FEV: variants seen among roughly 807,000 people sequenced by gnomAD.
The protein encoded by FEV is protein FEV.
A neutral mutation model predicts 20.5 loss-of-function variants in FEV; 14 were observed. The observed-to-expected ratio is 0.68, with a 90% CI of 0.45 to 1.07. The LOEUF (loss-of-function observed/expected upper bound fraction) is 1.07. FEV is among the 50% of genes least tolerant of loss of function. The pLI, the probability that FEV is intolerant of heterozygous loss-of-function variation, is 0.00. For missense variants in FEV, 301 were observed against 345.3 expected (o/e 0.87, Z 1.02); for synonymous variants, 188 against 163.7 (o/e 1.15, Z -1.13).
At position 218,982,115 on chromosome 2, in the gene FEV, C is replaced by A; in HGVS notation, c.269G>T (p.Arg90Leu). The change falls in exon 3 of 3, where the codon CGC becomes CTC. Residue 90 changes from arginine to leucine, a missense_variant. By Grantham distance (102) the Arg-to-Leu change is moderately radical. Coordinates refer to ENST00000295727, the MANE Select transcript of FEV (RefSeq NM_017521.3). ...PDEVARRWGE[R>L]KSKPNMNYDK... ...GTAGTTCATGTTGGGCTTGCTCTTG[C>A]GCTCGCCCCACCGCCGCGCCACCTC... 1.2e-6 allele frequency: 2 copies of A among 1,613,720 alleles called. No homozygotes were observed. Among genetic ancestry groups the A allele is most frequent in the South Asian group, 2.2e-5 (2 of 91,068 alleles).
Position 218,984,103 on chromosome 2 carries a change from C to A in FEV, c.127+128G>T. 3.3e-6 allele frequency: 3 copies of A among 900,744 alleles called. No individual in the cohort carries two copies. Among genetic ancestry groups the A allele is most frequent in the Non-Finnish European group, 4.9e-6 (3 of 608,144 alleles). 55.8% of individuals were successfully genotyped at this position (900,744 alleles called of 1,614,324 possible). ...CAAGTGACTGTCTTCCCAAGGCCTC[C>A]GCACAACCAGGCCAGGACTCCGGGC... On this transcript the variant is annotated intron_variant, in intron 2 of 2. Coordinates refer to ENST00000295727, the MANE Select transcript of FEV (RefSeq NM_017521.3). The surrounding 1 kb of genome is among the most constrained non-coding windows in gnomAD (Gnocchi z 5.0).
Position 218,981,444 on chromosome 2 carries a change from C to T in FEV, c.*223G>A. 2.5e-6 allele frequency: 1 copy of T among 394,934 alleles called. No individual in the cohort carries two copies. The highest frequency in any genetic ancestry group is 4.4e-6 in the Non-Finnish European group (1 of 225,882). The allele number at this position is 394,934 out of a possible 1,614,324, so 24.5% of individuals were successfully genotyped here. On this transcript the variant is annotated 3_prime_UTR_variant, in exon 3 of 3. Transcript: ENST00000295727. This position sits in a 1 kb window ranked among gnomAD's most constrained non-coding sequence, Gnocchi z 4.5. ...AAGAAAAAAAGTGAAAGAGGGCGCA[C>T]ATCGCCCTCCTCAGGGGACTGCGGG...
intron 2 of FEV, among the ~76,000 whole-genome samples, chr2:218,982,860 C>T (rs1038109022): frequency 4.6e-5 from 7 of 152,220 alleles, no homozygotes; most frequent in African/African-American, 1.7e-4. Context: ...TGGTGGCTGG[C>T]TCCCTTGGGA....
Position 218,984,947 on chromosome 2 carries a change from C to T in FEV, c.52+77G>A, listed in dbSNP as rs937236026. The T allele has an allele frequency of 6.0e-6, 8 of 1,323,454 alleles. No homozygotes were observed. In the African/African-American group the frequency reaches 1.2e-4, roughly 19 times the overall value. 82.0% of individuals were successfully genotyped at this position (1,323,454 alleles called of 1,614,324 possible). On this transcript the variant is annotated intron_variant, in intron 1 of 2. Transcript: ENST00000295727. This position sits in a 1 kb window ranked among gnomAD's most constrained non-coding sequence, Gnocchi z 5.0. ...CACTTCTCCTTCCCCTGGACCCCAG[C>T]ACTCTCTTCCCATGCCTGAGCCTAG...
rs1259637313 is a variant in FEV, at chr2:218,981,618, G to A, written c.*49C>T. The A allele has an allele frequency of 8.0e-7, 1 of 1,255,100 alleles. No individual in the cohort carries two copies. The highest frequency in any genetic ancestry group is 1.0e-6 in the Non-Finnish European group (1 of 995,232). 77.7% of individuals were successfully genotyped at this position (1,255,100 alleles called of 1,614,324 possible). A position where few individuals can be genotyped will look rare whatever the true frequency, so the allele number is the denominator to read the frequency against. ...CTCCCCGGGATGCCGATGGGATCGGGCGAGACTCTAGGCGTGCGGGCGAGG... is the reference window on the plus strand; with the variant it reads ...CTCCCCGGGATGCCGATGGGATCGGACGAGACTCTAGGCGTGCGGGCGAGG... On this transcript the variant is annotated 3_prime_UTR_variant, in exon 3 of 3. Transcript: ENST00000295727. The surrounding 1 kb of genome is among the most constrained non-coding windows in gnomAD (Gnocchi z 4.5).
At chr2:218,982,792 G>A (rs752265751) in intron 2 of FEV, among the ~76,000 whole-genome samples, 19 of 152,212 alleles carry the variant, frequency 1.2e-4, no homozygotes, top group Non-Finnish European at 2.2e-4. Flanking sequence ...GCTGGACAAG[G>A]CCCAGCTAGT....
At position 218,984,988 on chromosome 2, in the gene FEV, T is replaced by G; in HGVS notation, c.52+36A>C. The G allele has an allele frequency of 6.5e-7, 1 of 1,542,822 alleles. No individual in the cohort carries two copies. The highest frequency in any genetic ancestry group is 8.8e-7 in the Non-Finnish European group (1 of 1,139,698). On this transcript the variant is annotated intron_variant, in intron 1 of 2. Coordinates refer to ENST00000295727, the MANE Select transcript of FEV (RefSeq NM_017521.3). This position sits in a 1 kb window ranked among gnomAD's most constrained non-coding sequence, Gnocchi z 5.0. The stretch of plus-strand genomic sequence containing the variant: ...CTGAGCCTAGACTTCCCGCCCCAGG[T>G]TCCGGTGCCACCAGCCTCCGGCTGG...
In FEV at chr2:218,981,640, G is replaced by C; in HGVS notation, c.*27C>G. 7.8e-7 allele frequency: 1 copy of C among 1,280,116 alleles called. No individual in the cohort carries two copies. The highest frequency in any genetic ancestry group is 9.8e-7 in the Non-Finnish European group (1 of 1,015,396). The allele number at this position is 1,280,116 out of a possible 1,614,324, so 79.3% of individuals were successfully genotyped here. ...CGGGCGAGACTCTAGGCGTGCGGGC[G>C]AGGCCGCAGGCACCCGACCGCCCCG... On this transcript the variant is annotated 3_prime_UTR_variant, in exon 3 of 3. Coordinates refer to ENST00000295727, the MANE Select transcript of FEV (RefSeq NM_017521.3). The surrounding 1 kb of genome is among the most constrained non-coding windows in gnomAD (Gnocchi z 4.5).
chr2:218,981,863 C>A lies in FEV; in HGVS notation c.521G>T (p.Gly174Val). ...PAGLAPLPFP[G>V]LSKLNLMAAS... ...GGCCATGAGGTTGAGTTTGGAGAGG[C>A]CGGGGAAGGGCAGCGGGGCGAGGCC... The change falls in exon 3 of 3, where the codon GGC becomes GTC. Residue 174 changes from glycine to valine, a missense_variant. Coordinates refer to ENST00000295727, the MANE Select transcript of FEV (RefSeq NM_017521.3). This position sits in a 1 kb window ranked among gnomAD's most constrained non-coding sequence, Gnocchi z 4.5. The A allele has an allele frequency of 2.4e-6, 3 of 1,238,224 alleles. No individual in the cohort carries two copies. Among genetic ancestry groups the A allele is most frequent in the South Asian group, 7.7e-5 (2 of 25,812 alleles). 76.7% of individuals were successfully genotyped at this position (1,238,224 alleles called of 1,614,324 possible).
intron 2 of FEV, 127 bp from the exon 3 acceptor site, chr2:218,982,383 T>C (rs1295690291): frequency 3.6e-6 from 3 of 837,668 alleles, no homozygotes; most frequent in East Asian, 2.7e-5. Flanking sequence ...CAAGTCAAAC[T>C]GCAGCTGCGT....
At position 218,981,532 on chromosome 2, in the gene FEV, C is replaced by A; in HGVS notation, c.*135G>T. The A allele has an allele frequency of 1.5e-6, 1 of 668,806 alleles. No homozygotes were observed. The highest frequency in any genetic ancestry group is 2.1e-6 in the Non-Finnish European group (1 of 474,494). 41.4% of individuals were successfully genotyped at this position (668,806 alleles called of 1,614,324 possible). Reference sequence around the variant, plus strand: ...AGGGAGCTTCGGTCCCGTCCCCCTGCTAAGTGCGGCAGGTGGAGTAAACTC... The same window carrying A: ...AGGGAGCTTCGGTCCCGTCCCCCTGATAAGTGCGGCAGGTGGAGTAAACTC... On this transcript the variant is annotated 3_prime_UTR_variant, in exon 3 of 3. Coordinates refer to ENST00000295727, the MANE Select transcript of FEV (RefSeq NM_017521.3). This position sits in a 1 kb window ranked among gnomAD's most constrained non-coding sequence, Gnocchi z 4.5.
In FEV at chr2:218,983,690, G is replaced by A. The variant is rs567609076; in HGVS notation, c.127+541C>T. Among the ~76,000 whole-genome samples, 7 of 152,326 alleles carry A rather than the reference G, an allele frequency of 4.6e-5. No individual in the cohort carries two copies. The South Asian group carries it at 1.0e-3, about 23-fold the overall frequency. Reference sequence around the variant, plus strand: ...ACTGTGGGGAGACGCTGCTTGAAGAGCCAGCCGTCAAAAGGGTAATTTAGC... The same window carrying A: ...ACTGTGGGGAGACGCTGCTTGAAGAACCAGCCGTCAAAAGGGTAATTTAGC... On this transcript the variant is annotated intron_variant, in intron 2 of 2. Transcript: ENST00000295727.
Position 218,985,155 on chromosome 2 carries a change from T to TC in FEV, c.-81dup. 1.8e-6 allele frequency: 2 copies of TC among 1,128,222 alleles called. No homozygotes were observed. Among genetic ancestry groups the TC allele is most frequent in the African/African-American group, 1.6e-5 (1 of 61,610 alleles). The allele number at this position is 1,128,222 out of a possible 1,614,324, so 69.9% of individuals were successfully genotyped here. ...CAGGCTTTGCGCTCGGTGGCACCGA[T>TC]CCCCGCCCGAAGCGACCGCGGGTGA... On this transcript the variant is annotated 5_prime_UTR_variant, in exon 1 of 3. Transcript: ENST00000295727.
At position 218,981,890 on chromosome 2, in the gene FEV, G is replaced by T. The variant is rs1324810261; in HGVS notation, c.494C>A (p.Ala165Asp). 34 of 1,242,222 alleles carry T rather than the reference G, an allele frequency of 2.7e-5. No individual in the cohort carries two copies. The highest frequency in any genetic ancestry group is 3.4e-5 in the Non-Finnish European group (34 of 996,888). 76.9% of individuals were successfully genotyped at this position (1,242,222 alleles called of 1,614,324 possible). The change falls in exon 3 of 3, where the codon GCC becomes GAC. Residue 165 changes from alanine to aspartate, a missense_variant. By Grantham distance (126) the Ala-to-Asp change is moderately radical. Coordinates refer to ENST00000295727, the MANE Select transcript of FEV (RefSeq NM_017521.3). This position sits in a 1 kb window ranked among gnomAD's most constrained non-coding sequence, Gnocchi z 4.5. ...AQDGALYKLPAGLAPLPFPGL... is the reference protein window; with the variant it reads ...AQDGALYKLPDGLAPLPFPGL... ...GGGGAAGGGCAGCGGGGCGAGGCCG[G>T]CGGGCAGCTTGTAGAGCGCGCCGTC...
Position 218,981,759 on chromosome 2 carries a change from C to G in FEV, c.625G>C (p.Ala209Pro), listed in dbSNP as rs1279286711. ...GPAATAAAAT[A>P]ALYPSPSLQP... ...AAGCTGGGACTGGGGTAGAGCGCGG[C>G]GGTGGCGGCGGCAGCGGTGGCGGCG... The change falls in exon 3 of 3, where the codon GCC (alanine) becomes CCC (proline). Residue 209 changes from alanine (A) to proline (P), a missense_variant. By Grantham distance (27) the Ala-to-Pro change is conservative. Transcript: ENST00000295727. The surrounding 1 kb of genome is among the most constrained non-coding windows in gnomAD (Gnocchi z 4.5). 3.1e-6 allele frequency: 4 copies of G among 1,275,708 alleles called. No homozygotes were observed. The highest frequency in any genetic ancestry group is 3.9e-6 in the Non-Finnish European group (4 of 1,018,684). 79.0% of individuals were successfully genotyped at this position (1,275,708 alleles called of 1,614,324 possible). A position where few individuals can be genotyped will look rare whatever the true frequency, so the allele number is the denominator to read the frequency against.
intron 2 of FEV, among the ~76,000 whole-genome samples, chr2:218,983,545 C>T (rs551883494): frequency 6.6e-6 from 1 of 152,348 alleles, no homozygotes; most frequent in South Asian, 2.1e-4. Context: ...GCGGAGCAAC[C>T]TCAGCGGCTT....
Position 218,981,847 on chromosome 2 carries a change from G to A in FEV, c.537C>T (p.Asn179=). 1 of 1,237,294 alleles carries A rather than the reference G, an allele frequency of 8.1e-7. No individual in the cohort carries two copies. The highest frequency in any genetic ancestry group is 1.0e-6 in the Non-Finnish European group (1 of 994,834). The allele number at this position is 1,237,294 out of a possible 1,614,324, so 76.6% of individuals were successfully genotyped here. ...PLPFPGLSKL[N]LMAASAGVAP... is the part of the protein sequence containing the mutation. The stretch of plus-strand genomic sequence containing the variant: ...CGACCCCGGCCGAGGCGGCCATGAG[G>A]TTGAGTTTGGAGAGGCCGGGGAAGG... The change falls in exon 3 of 3, where the codon AAC becomes AAT. Residue 179 remains asparagine, a synonymous_variant. Coordinates refer to ENST00000295727, the MANE Select transcript of FEV (RefSeq NM_017521.3). The surrounding 1 kb of genome is among the most constrained non-coding windows in gnomAD (Gnocchi z 4.5).
intron 2 of FEV, among the ~76,000 whole-genome samples, chr2:218,982,564 C>G (rs1459537842): frequency 1.3e-5 from 2 of 152,308 alleles, no homozygotes; most frequent in African/African-American, 4.8e-5. Flanking sequence ...CCTCCCCCCA[C>G]GTGAGCGCAG....
Position 218,982,010 on chromosome 2 carries a change from C to T in FEV, c.374G>A (p.Arg125His). The change falls in exon 3 of 3, where the codon CGC becomes CAC. Residue 125 changes from arginine to histidine, a missense_variant. By Grantham distance (29) the Arg-to-His change is conservative. Coordinates refer to ENST00000295727, the MANE Select transcript of FEV (RefSeq NM_017521.3). Reference protein sequence around the residue: ...SKVHGKRYAYRFDFQGLAQAC... With the variant: ...SKVHGKRYAYHFDFQGLAQAC... ...CTGCGCCAGGCCCTGGAAGTCGAAGCGGTAGGCGTAGCGCTTGCCATGCAC... is the reference window on the plus strand; with the variant it reads ...CTGCGCCAGGCCCTGGAAGTCGAAGTGGTAGGCGTAGCGCTTGCCATGCAC... 3 of 1,611,916 alleles carry T rather than the reference C, an allele frequency of 1.9e-6. No individual in the cohort carries two copies. Among genetic ancestry groups the T allele is most frequent in the East Asian group, 2.2e-5 (1 of 44,608 alleles).
Sources: allele counts gnomAD v4.1 joint callset (sites outside exome capture counted in the v4.1 genomes callset), GRCh38; gene constraint gnomAD v4.1.1; non-coding constraint Gnocchi (gnomAD v3.1); transcripts MANE v1.5; gene names NCBI Gene and HGNC (gene_info 2026-07-23, HGNC 2026-07-21).